ITGAV: variants seen among roughly 807,000 people sequenced by gnomAD.
ITGAV encodes the protein integrin subunit alpha V.
A neutral mutation model predicts 143.8 loss-of-function variants in ITGAV; 76 were observed. The ratio of observed to expected loss-of-function variants is 0.53; its 90% CI spans 0.44 to 0.64. The LOEUF (loss-of-function observed/expected upper bound fraction) is 0.64. ITGAV is among the 30% of genes least tolerant of loss of function. The pLI is 0.00. For missense variants in ITGAV, 1,193 were observed against 1,274.7 expected (o/e 0.94, Z 0.98); for synonymous variants, 453 against 446.7 (o/e 1.01, Z -0.18).
At chr2:186,590,658 T>C in intron 1 of ITGAV, 135 bp downstream of exon 1, 1 of 772,922 alleles carries the variant, frequency 1.3e-6, no homozygotes, top group South Asian at 2.0e-5. Context: ...CTCAGAGTGG[T>C]TTATATCCTG....
At chr2:186,601,888 C>T (rs1686917321) in intron 1 of ITGAV, 133 bp from the exon 2 acceptor site, 4 of 771,670 alleles carry the variant, frequency 5.2e-6, no homozygotes, top group Admixed American at 3.0e-5. Flanking sequence ...AAGATTATGC[C>T]CTCAGTGAAT....
intron 12 of ITGAV, among the ~76,000 whole-genome samples, chr2:186,643,962 G>A (rs1340885518): frequency 1.3e-5 from 2 of 152,052 alleles, no homozygotes; most frequent in African/African-American, 4.8e-5. Flanking sequence ...ATTATTTGTT[G>A]AGACAGGGTA....
At chr2:186,597,091 C>T (rs1380198934) in intron 1 of ITGAV, among the ~76,000 whole-genome samples, 2 of 152,318 alleles carry the variant, frequency 1.3e-5, no homozygotes, top group Non-Finnish European at 2.9e-5. Context: ...CATTTCATGC[C>T]TATAATGTGC....
At chr2:186,676,097 C>T in intron 28 of ITGAV, 170 bp downstream of exon 28, 1 of 560,220 alleles carries the variant, frequency 1.8e-6, no homozygotes, top group Non-Finnish European at 3.2e-6. Flanking sequence ...ACTCCTTACC[C>T]CGAAGTGATT....
chr2:186,669,011 A>G (rs1688989708), intron 25 of ITGAV, 91 bp downstream of exon 25: 2 of 1,227,042 alleles, frequency 1.6e-6, no homozygotes, highest in Admixed American at 2.4e-5. Context: ...TAAAACAACT[A>G]TTTTAATATA....
At chr2:186,669,871 A>G in intron 26 of ITGAV, 57 bp downstream of exon 26, 1 of 1,125,742 alleles carries the variant, frequency 8.9e-7, no homozygotes, top group Non-Finnish European at 1.3e-6. Context: ...TGACTATAGA[A>G]CTGACGCCAA....
chr2:186,656,188 G>T, intron 16 of ITGAV, 59 bp from the exon 17 acceptor site: 1 of 1,293,106 alleles, frequency 7.7e-7, no homozygotes. Context: ...AAACTCTAGA[G>T]TAGGATAGAT....
chr2:186,671,289 C>T (rs1207412495), intron 26 of ITGAV, among the ~76,000 whole-genome samples: 1 of 152,142 alleles, frequency 6.6e-6, no homozygotes, highest in African/African-American at 2.4e-5. Flanking sequence ...TTAAGCCCAA[C>T]ATCAACAGGC....
intron 18 of ITGAV, 61 bp from the exon 19 acceptor site, chr2:186,663,707 C>T: frequency 8.5e-7 from 1 of 1,178,010 alleles, no homozygotes; most frequent in Admixed American, 1.7e-5. Context: ...TATTGATAAA[C>T]ACTGCTTATG....
At chr2:186,616,293 T>G (rs1409991490) in intron 2 of ITGAV, among the ~76,000 whole-genome samples, 4 of 146,642 alleles carry the variant, frequency 2.7e-5, no homozygotes, top group African/African-American at 1.0e-4. Flanking sequence ...TTTTTTTTTT[T>G]TTTGAGACGG....
chr2:186,675,710 T>A lies in ITGAV; in HGVS notation c.2813T>A (p.Phe938Tyr). 1.2e-6 allele frequency: 2 copies of A among 1,609,644 alleles called. 1 individual carries two copies. The highest frequency in any genetic ancestry group is 2.7e-5 in the African/African-American group (2 of 74,898). ...AAGTCATTACTGTGGACTGAGACTT[T>A]TATGAATGTAAGTAGACAGGTGCAG... is the stretch of plus-strand genomic sequence containing the variant. ...YVKSLLWTETFMNKENQNHSY... is the reference protein window; with the variant it reads ...YVKSLLWTETYMNKENQNHSY... The change falls in exon 27 of 30, where the codon TTT becomes TAT. Residue 938 changes from phenylalanine (F) to tyrosine (Y), a missense_variant. Phe to Tyr is a conservative substitution (Grantham distance 22). Transcript: ENST00000261023.
intron 10 of ITGAV, among the ~76,000 whole-genome samples, chr2:186,639,418 A>G (rs1248558761): frequency 6.6e-6 from 1 of 152,116 alleles, no homozygotes; most frequent in Non-Finnish European, 1.5e-5. Context: ...AGATTGATGC[A>G]CAACCTGGAG....
At chr2:186,613,706 C>T (rs531689590) in intron 2 of ITGAV, among the ~76,000 whole-genome samples, 3 of 152,180 alleles carry the variant, frequency 2.0e-5, no homozygotes, top group Admixed American at 2.0e-4. Context: ...GCAAATTGTC[C>T]TTTCGTTAAT....
chr2:186,659,795 T>C (rs1688694466), intron 18 of ITGAV, among the ~76,000 whole-genome samples: 2 of 151,472 alleles, frequency 1.3e-5, no homozygotes, highest in East Asian at 3.9e-4. Context: ...TTTTTTTTGG[T>C]TTGTTTTCTG....
intron 1 of ITGAV, among the ~76,000 whole-genome samples, chr2:186,597,958 C>T (rs1033200232): frequency 6.6e-6 from 1 of 152,120 alleles, no homozygotes; most frequent in Non-Finnish European, 1.5e-5. Flanking sequence ...TTGAAGACAA[C>T]CCAGAAGTGA....
intron 24 of ITGAV, among the ~76,000 whole-genome samples, chr2:186,668,212 A>AT (rs1688963581): frequency 4.3e-4 from 3 of 6,912 alleles, no homozygotes; most frequent in South Asian, 8.3e-3. Flanking sequence ...ATATATATAT[A>AT]TATATTTTTT....
chr2:186,618,412 G>A (rs1048951885), intron 2 of ITGAV, among the ~76,000 whole-genome samples: 9 of 152,260 alleles, frequency 5.9e-5, no homozygotes, highest in African/African-American at 2.2e-4. Flanking sequence ...TGTCAAATTT[G>A]TACTGATTTT....
intron 24 of ITGAV, among the ~76,000 whole-genome samples, chr2:186,668,202 ATATATATATATATATTTTTTTTT>A (rs1559068095): frequency 7.7e-5 from 1 of 12,936 alleles, no homozygotes; most frequent in Non-Finnish European, 1.9e-4. Context: ...ATATATATAT[ATATATATATATATATTTTTTTTT>A]TTTTTTTTTT....
chr2:186,622,986 A>T (rs1033136153), intron 3 of ITGAV, among the ~76,000 whole-genome samples: 10 of 151,670 alleles, frequency 6.6e-5, no homozygotes, highest in Non-Finnish European at 1.5e-4. Flanking sequence ...CTGGTCTCTA[A>T]CTCCTGACCT....
Sources: allele counts gnomAD v4.1 joint callset (sites outside exome capture counted in the v4.1 genomes callset), GRCh38; gene constraint gnomAD v4.1.1; transcripts MANE v1.5; gene names NCBI Gene and HGNC (gene_info 2026-07-23, HGNC 2026-07-21).